Variants in SLIT1 observed in about 807,000 individuals in gnomAD.
SLIT1 encodes slit guidance ligand 1, also known as slit homolog 1 protein.
A neutral mutation model predicts 186.1 loss-of-function variants in SLIT1; 66 were observed. The observed-to-expected ratio is 0.35, with a 90% CI of 0.29 to 0.44. SLIT1 has a LOEUF of 0.44. Ranked by LOEUF, SLIT1 falls within the 20% of genes least tolerant of loss-of-function variation. The pLI, the probability that SLIT1 is intolerant of heterozygous loss-of-function variation, is 1.00. For synonymous variants in SLIT1, 761 were observed against 833.8 expected (o/e 0.91, Z 1.50); for missense variants, 1,638 against 2,037.4 (o/e 0.80, Z 3.77).
chr10:97,172,227 G>A (rs1302329044), intron 1 of SLIT1, among the ~76,000 whole-genome samples: 3 of 151,914 alleles, frequency 2.0e-5, no homozygotes, highest in Non-Finnish European at 4.4e-5. Context: ...TGCATTTTTA[G>A]TAGAGGCAGG....
intron 23 of SLIT1, among the ~76,000 whole-genome samples, chr10:97,032,133 G>A (rs1848596888): frequency 6.6e-6 from 1 of 152,228 alleles, no homozygotes; most frequent in Non-Finnish European, 1.5e-5. Flanking sequence ...ACCACTTCCA[G>A]GGAGGACAGG....
chr10:97,057,174 T>G (rs751383715), intron 12 of SLIT1, 36 bp downstream of exon 12: 2 of 1,581,728 alleles, frequency 1.3e-6, no homozygotes, highest in African/African-American at 2.7e-5. Context: ...GGCCCTTCCC[T>G]GGGTCCCACC....
chr10:97,163,485 G>A (rs773010490), intron 2 of SLIT1, 34 bp from the exon 3 acceptor site: 3 of 1,596,988 alleles, frequency 1.9e-6, no homozygotes, highest in South Asian at 2.2e-5. Context: ...CAGCTACAGG[G>A]TGTGGGACAA....
At chr10:97,037,310 T>G (rs1470245841) in intron 22 of SLIT1, among the ~76,000 whole-genome samples, 4 of 151,886 alleles carry the variant, frequency 2.6e-5, no homozygotes, top group Non-Finnish European at 5.9e-5. Flanking sequence ...ATCAGGCTGG[T>G]CTCGAACTCC....
At chr10:97,113,753 T>C (rs1026222568) in intron 4 of SLIT1, among the ~76,000 whole-genome samples, 4 of 151,410 alleles carry the variant, frequency 2.6e-5, no homozygotes, top group Non-Finnish European at 4.4e-5. Flanking sequence ...GGTTTCTCCA[T>C]GTTGGTCAGT....
At chr10:97,153,886 C>T (rs1368754627) in intron 4 of SLIT1, 1 of 152,224 alleles carries the variant, frequency 6.6e-6, no homozygotes, top group African/African-American at 2.4e-5. Flanking sequence ...ATGGCCCTCA[C>T]ATCTCAGTGC....
chr10:97,074,059 A>C (rs563210741), intron 4 of SLIT1, among the ~76,000 whole-genome samples: 1 of 152,248 alleles, frequency 6.6e-6, no homozygotes, highest in East Asian at 1.9e-4. Context: ...TATCTGCAAC[A>C]GGCTCCTAGC....
At chr10:97,056,241 G>A (rs1022852934) in intron 13 of SLIT1, 80 bp downstream of exon 13, 57 of 1,506,638 alleles carry the variant, frequency 3.8e-5, no homozygotes, top group Non-Finnish European at 5.0e-5. Flanking sequence ...GAGCCGGAGA[G>A]CTGCCTGTCC....
intron 30 of SLIT1, among the ~76,000 whole-genome samples, chr10:97,012,115 C>T (rs1380046079): frequency 4.0e-5 from 6 of 151,732 alleles, no homozygotes; most frequent in African/African-American, 1.5e-4. Flanking sequence ...CACACACACA[C>T]ACACACACAC....
At chr10:97,008,869 T>A (rs929827276) in intron 31 of SLIT1, among the ~76,000 whole-genome samples, 1 of 150,400 alleles carries the variant, frequency 6.6e-6, no homozygotes, top group African/African-American at 2.4e-5. Flanking sequence ...TTTTATTATT[T>A]ATTTATTTAT....
chr10:97,169,473 G>A (rs1329950295), intron 1 of SLIT1, among the ~76,000 whole-genome samples: 1 of 152,232 alleles, frequency 6.6e-6, no homozygotes, highest in Non-Finnish European at 1.5e-5. Flanking sequence ...AGGCAAGGAG[G>A]ACATTTTTCT....
Position 97,068,781 on chromosome 10 carries a change from C to T in SLIT1, c.414-2695G>A, listed in dbSNP as rs1363823065. The stretch of plus-strand genomic sequence containing the variant: ...CATATCGCCAGCTCCCCAGTGTAGT[C>T]TGTCAGTATTCCTGGAGACATTCCC... On this transcript the variant is annotated intron_variant, in intron 4 of 36. Coordinates refer to ENST00000266058, the MANE Select transcript of SLIT1 (RefSeq NM_003061.3). The surrounding 1 kb of genome is among the most constrained non-coding windows in gnomAD (Gnocchi z 4.2). 6.6e-6 allele frequency among the ~76,000 whole-genome samples: 1 copy of T among 152,200 alleles called. No homozygotes were observed.
chr10:97,181,625 G>C (rs1292930382), intron 1 of SLIT1, among the ~76,000 whole-genome samples: 1 of 152,122 alleles, frequency 6.6e-6, no homozygotes, highest in Non-Finnish European at 1.5e-5. Context: ...CAGGAGGATT[G>C]CTTGAGCCCA....
chr10:97,069,895 G>A (rs560606543), intron 4 of SLIT1, among the ~76,000 whole-genome samples: 3 of 152,138 alleles, frequency 2.0e-5, no homozygotes, highest in Non-Finnish European at 2.9e-5. Context: ...TGATGGAAAC[G>A]GTAATGGATA....
chr10:97,126,380 A>G (rs1012244395), intron 4 of SLIT1, among the ~76,000 whole-genome samples: 3 of 152,314 alleles, frequency 2.0e-5, no homozygotes, highest in Middle Eastern at 3.4e-3. Flanking sequence ...GTAACACACC[A>G]CATTCATCCC....
chr10:97,034,441 G>A, intron 23 of SLIT1, 30 bp downstream of exon 23: 1 of 1,578,942 alleles, frequency 6.3e-7, no homozygotes, highest in Non-Finnish European at 8.7e-7. Context: ...TGGCCCCGGG[G>A]CCCCCCACCC....
At chr10:97,055,080 G>A (rs2134632518) in intron 13 of SLIT1, among the ~76,000 whole-genome samples, 1 of 152,268 alleles carries the variant, frequency 6.6e-6, no homozygotes, top group South Asian at 2.1e-4. Flanking sequence ...AGCCAGGCGT[G>A]GTGACGGGCG....
chr10:97,047,796 C>G lies in SLIT1; in HGVS notation c.1528G>C (p.Asp510His), dbSNP rs139828471. The G allele has an allele frequency of 6.2e-7, 1 of 1,613,958 alleles. No homozygotes were observed. The highest frequency in any genetic ancestry group is 8.5e-7 in the Non-Finnish European group (1 of 1,180,032). ...DYQLNSECNS[D>H]VVCPHKCRCE... ...CGGCACTTGTGGGGACAGACCACGT[C>G]GCTGTTGCACTCGCTGTTCAGCTGG... is the stretch of plus-strand genomic sequence containing the variant. Residue 510 changes from aspartate (D) to histidine (H), a missense_variant, in exon 16 of 37, where the codon GAC becomes CAC. Around this residue, in one of 3 missense-constraint regions of SLIT1, gnomAD observed 1,245 missense variants for 1,535.3 expected, o/e 0.81. Coordinates refer to ENST00000266058, the MANE Select transcript of SLIT1 (RefSeq NM_003061.3).
rs953970529 is a variant in SLIT1, at chr10:97,053,606, C to A, written c.1301+2715G>T. ...ACAGGGGCAGGGATTACAGCGACAA[C>A]AATGGACACAATAATATTAATAATT... On this transcript the variant is annotated intron_variant, in intron 13 of 36. Coordinates refer to ENST00000266058, the MANE Select transcript of SLIT1 (RefSeq NM_003061.3). Among the ~76,000 whole-genome samples, 6 of 152,130 alleles carry A rather than the reference C, an allele frequency of 3.9e-5. No individual in the cohort carries two copies. In the East Asian group the frequency reaches 1.2e-3, roughly 29 times the overall value.
Sources: gnomAD v4.1 joint callset for allele counts (sites outside exome capture counted in the v4.1 genomes callset) on GRCh38, gnomAD v4.1.1 for gene constraint, gnomAD v4.1.1 regional missense constraint, Gnocchi (gnomAD v3.1) non-coding constraint, MANE v1.5 for transcripts, NCBI Gene and HGNC (gene_info 2026-07-23, HGNC 2026-07-21) for gene names.